Variants in PALM2AKAP2 observed in about 807,000 individuals in gnomAD.
PALM2AKAP2 encodes PALM2-AKAP2 fusion protein.
In PALM2AKAP2, 37 loss-of-function variants were observed where a neutral mutation model predicts 71.5. The observed-to-expected ratio is 0.52, with a 90% CI of 0.40 to 0.68. The LOEUF is 0.68. Among genes scored for constraint, PALM2AKAP2 ranks in the 30% least tolerant of loss-of-function variants. PALM2AKAP2 has a pLI of 0.00. For missense variants in PALM2AKAP2, 1,224 were observed against 1,191.8 expected (o/e 1.03, Z -0.40); for synonymous variants, 468 against 478.8 (o/e 0.98, Z 0.29).
At chr9:109,697,084 C>T (rs1827982926) in intron 1 of PALM2AKAP2, among the ~76,000 whole-genome samples, 1 of 152,038 alleles carries the variant, frequency 6.6e-6, no homozygotes, top group Non-Finnish European at 1.5e-5. Context: ...GAGTCTCCCC[C>T]TTAGGTTGTG....
Position 109,888,192 on chromosome 9 carries a change from C to T in PALM2AKAP2, c.257+7511C>T, listed in dbSNP as rs142958412. Among the ~76,000 whole-genome samples the T allele has an allele frequency of 2.8e-3, 422 of 152,344 alleles. 1 individual carries two copies. The highest frequency in any genetic ancestry group is 4.4e-3 in the Non-Finnish European group (297 of 68,030). ...GCTTCTGAAAAGGGCTCCAGCATAG[C>T]AAACTCACTAGAAAGCCGGACCTCA... On this transcript the variant is annotated intron_variant, in intron 3 of 9. Coordinates refer to the PALM2AKAP2 transcript ENST00000302798.
chr9:109,774,181 C>T (rs959237556), intron 1 of PALM2AKAP2, among the ~76,000 whole-genome samples: 10 of 152,222 alleles, frequency 6.6e-5, no homozygotes, highest in African/African-American at 2.2e-4. Flanking sequence ...TGACGGAGCA[C>T]ATCGTGGTCA....
chr9:109,746,662 G>T (rs1170437880), intron 1 of PALM2AKAP2, among the ~76,000 whole-genome samples: 1 of 152,150 alleles, frequency 6.6e-6, no homozygotes, highest in Non-Finnish European at 1.5e-5. Flanking sequence ...TGGAAGGGAG[G>T]TTGGTGTGGA....
At position 110,005,807 on chromosome 9, in the gene PALM2AKAP2, G is replaced by T. The variant is rs535828290; in HGVS notation, c.497-10147G>T. Among the ~76,000 whole-genome samples, 38 of 152,358 alleles carry T rather than the reference G, an allele frequency of 2.5e-4. No homozygotes were observed. The South Asian group carries it at 5.0e-3, about 20-fold the overall frequency. On this transcript the variant is annotated intron_variant, in intron 6 of 9. Coordinates refer to the PALM2AKAP2 transcript ENST00000302798. Reference sequence around the variant, plus strand: ...GCTAGCAATGAGCGAGGCTCTGTGGGTGTGGGACCCTCTGAGCCAGGCGTG... The same window carrying T: ...GCTAGCAATGAGCGAGGCTCTGTGGTTGTGGGACCCTCTGAGCCAGGCGTG...
At chr9:110,041,926 C>T (rs74497117) in intron 7 of PALM2AKAP2, among the ~76,000 whole-genome samples, 14 of 152,248 alleles carry the variant, frequency 9.2e-5, no homozygotes, top group East Asian at 1.9e-4. Flanking sequence ...TCCAGCTACT[C>T]CCAATGTAAG....
intron 2 of PALM2AKAP2, among the ~76,000 whole-genome samples, chr9:110,151,200 T>A (rs999557676): frequency 6.6e-6 from 1 of 152,122 alleles, no homozygotes; most frequent in African/African-American, 2.4e-5. Flanking sequence ...TACTTTAAAA[T>A]TTTTTTCCCC....
chr9:109,947,065 G>T (rs905714623), intron 6 of PALM2AKAP2, among the ~76,000 whole-genome samples: 1 of 152,196 alleles, frequency 6.6e-6, no homozygotes, highest in Non-Finnish European at 1.5e-5. Flanking sequence ...TTGGTGATGG[G>T]GTGGAAGAGA....
At chr9:110,014,833 T>C (rs1397434972) in intron 6 of PALM2AKAP2, among the ~76,000 whole-genome samples, 2 of 112,484 alleles carry the variant, frequency 1.8e-5, no homozygotes, top group African/African-American at 3.5e-5. Context: ...TATATATATA[T>C]ATATATATAT....
At chr9:109,677,065 A>G (rs1320144429) in intron 1 of PALM2AKAP2, among the ~76,000 whole-genome samples, 1 of 152,174 alleles carries the variant, frequency 6.6e-6, no homozygotes, top group African/African-American at 2.4e-5. Context: ...TTTAAAGTAA[A>G]ATAAGGGGCA....
At chr9:109,680,710 A>T (rs534145793) in intron 1 of PALM2AKAP2, among the ~76,000 whole-genome samples, 1 of 152,366 alleles carries the variant, frequency 6.6e-6, no homozygotes, top group Non-Finnish European at 1.5e-5. Flanking sequence ...TAACTAATTT[A>T]AAAGCTGTGG....
chr9:109,934,142 T>A (rs1831170917), intron 6 of PALM2AKAP2, among the ~76,000 whole-genome samples: 1 of 152,202 alleles, frequency 6.6e-6, no homozygotes, highest in Admixed American at 6.5e-5. Context: ...TTAGGAGACA[T>A]CTATTCCAAT....
chr9:110,032,626 G>A (rs1471148480), intron 7 of PALM2AKAP2, among the ~76,000 whole-genome samples: 4 of 151,682 alleles, frequency 2.6e-5, no homozygotes, highest in East Asian at 1.9e-4. Context: ...AGGAGGAGGC[G>A]GCTGCAGTGA....
At chr9:110,145,444 G>A (rs773022341) in intron 2 of PALM2AKAP2, among the ~76,000 whole-genome samples, 6 of 152,128 alleles carry the variant, frequency 3.9e-5, no homozygotes, top group Non-Finnish European at 7.4e-5. Context: ...TGAAAACTTC[G>A]AAAGAACTGG....
chr9:109,940,713 C>T (rs955478731), intron 6 of PALM2AKAP2, among the ~76,000 whole-genome samples: 5 of 152,028 alleles, frequency 3.3e-5, no homozygotes, highest in African/African-American at 9.7e-5. Context: ...GATGAGCAGC[C>T]GTGGGAGGAA....
intron 6 of PALM2AKAP2, among the ~76,000 whole-genome samples, chr9:110,001,545 G>A (rs1195703839): frequency 6.6e-6 from 1 of 152,068 alleles, no homozygotes; most frequent in Non-Finnish European, 1.5e-5. Context: ...CTCCAATTCC[G>A]TGAATAAAGT....
At chr9:110,069,731 C>T (rs1202459229) in intron 1 of PALM2AKAP2, among the ~76,000 whole-genome samples, 4 of 152,208 alleles carry the variant, frequency 2.6e-5, no homozygotes, top group Non-Finnish European at 5.9e-5. Context: ...GGCCCATCTG[C>T]TTTGCAGAAC....
At position 110,049,380 on chromosome 9, in the gene PALM2AKAP2, G is replaced by A. The variant is rs1390270596; in HGVS notation, c.156+525G>A. On this transcript the variant is annotated intron_variant, in intron 1 of 3. Transcript: ENST00000374525. ...AGAGACTGAAGTCAGGGAGGGCCGG[G>A]CCCCGGCCCCGGTCCCGGCCCCAGC... 2.6e-5 allele frequency among the ~76,000 whole-genome samples: 4 copies of A among 152,206 alleles called. No individual in the cohort carries two copies. The South Asian group carries it at 8.3e-4, about 32-fold the overall frequency.
At chr9:109,922,420 T>A (rs1485314624) in intron 3 of PALM2AKAP2, among the ~76,000 whole-genome samples, 1 of 12,700 alleles carries the variant, frequency 7.9e-5, no homozygotes. Flanking sequence ...AGACTCTATC[T>A]CAAAAAAAAA....
intron 1 of PALM2AKAP2, among the ~76,000 whole-genome samples, chr9:110,087,727 A>G (rs1293999349): frequency 6.6e-6 from 1 of 152,192 alleles, no homozygotes; most frequent in East Asian, 1.9e-4. Flanking sequence ...CATTGACTCA[A>G]CAAATATTTA....
Sources: allele counts gnomAD v4.1 joint callset (sites outside exome capture counted in the v4.1 genomes callset), GRCh38; gene constraint gnomAD v4.1.1; transcripts MANE v1.5; gene names NCBI Gene and HGNC (gene_info 2026-07-23, HGNC 2026-07-21).